Variants in SAMMSON observed in about 807,000 individuals in gnomAD.
The protein encoded by SAMMSON is survival associated mitochondrial melanoma specific oncogenic non-coding RNA.
At chr3:70,385,399 T>A (rs1703112303) in intron 9 of SAMMSON, among the ~76,000 whole-genome samples, 1 of 152,052 alleles carries the variant, frequency 6.6e-6, no homozygotes, top group Non-Finnish European at 1.5e-5. Context: ...GAACATTTCA[T>A]TGTTGTAGGT....
At chr3:70,088,714 G>A (rs1169928271) in intron 4 of SAMMSON, among the ~76,000 whole-genome samples, 1 of 151,872 alleles carries the variant, frequency 6.6e-6, no homozygotes, top group African/African-American at 2.4e-5. Context: ...AGTTTTGTTG[G>A]GAATTATCAA....
At chr3:70,157,357 C>A (rs1308342098) in intron 4 of SAMMSON, among the ~76,000 whole-genome samples, 1 of 152,002 alleles carries the variant, frequency 6.6e-6, no homozygotes, top group Non-Finnish European at 1.5e-5. Flanking sequence ...TACCTTAGAG[C>A]CCTCAGGCAA....
chr3:70,311,289 A>G (rs1026644999), intron 7 of SAMMSON, among the ~76,000 whole-genome samples: 1 of 152,196 alleles, frequency 6.6e-6, no homozygotes, highest in African/African-American at 2.4e-5. Context: ...AAATTATAAA[A>G]CCGTGCCTTC....
chr3:70,233,794 G>T (rs1193686292), intron 4 of SAMMSON, among the ~76,000 whole-genome samples: 5 of 152,144 alleles, frequency 3.3e-5, no homozygotes, highest in African/African-American at 1.2e-4. Flanking sequence ...TATTTTGAAA[G>T]TTATTCAGAT....
At chr3:70,386,864 C>G (rs985325995) in intron 9 of SAMMSON, among the ~76,000 whole-genome samples, 1 of 152,012 alleles carries the variant, frequency 6.6e-6, no homozygotes, top group African/African-American at 2.4e-5. Context: ...AAAATCCAGG[C>G]ATGAGGCAGT....
chr3:70,012,214 A>G (rs1049746259), intron 1 of SAMMSON: 1 of 152,112 alleles, frequency 6.6e-6, no homozygotes, highest in African/African-American at 2.4e-5. Context: ...CTGCTATGGG[A>G]GTCAAAAAAT....
At chr3:70,123,333 C>T (rs1476281570) in intron 4 of SAMMSON, among the ~76,000 whole-genome samples, 1 of 152,236 alleles carries the variant, frequency 6.6e-6, no homozygotes, top group African/African-American at 2.4e-5. Context: ...GTGGTGTGAT[C>T]TTGGCTCACT....
intron 7 of SAMMSON, among the ~76,000 whole-genome samples, chr3:70,347,180 G>A (rs1292744818): frequency 6.6e-6 from 1 of 152,118 alleles, no homozygotes; most frequent in East Asian, 1.9e-4. Context: ...ACATCATCAG[G>A]GTGATTTCCT....
At chr3:70,044,633 C>A (rs2067117405) in intron 3 of SAMMSON, among the ~76,000 whole-genome samples, 1 of 151,794 alleles carries the variant, frequency 6.6e-6, no homozygotes, top group Admixed American at 6.6e-5. Flanking sequence ...ACACAATGTG[C>A]AAGACAGACT....
intron 4 of SAMMSON, among the ~76,000 whole-genome samples, chr3:70,184,542 A>T (rs1431054957): frequency 6.6e-6 from 1 of 152,232 alleles, no homozygotes; most frequent in Non-Finnish European, 1.5e-5. Context: ...AAAATTTTTG[A>T]TAGTTAACAC....
intron 4 of SAMMSON, among the ~76,000 whole-genome samples, chr3:70,243,849 G>A (rs1240532833): frequency 6.6e-6 from 1 of 152,184 alleles, no homozygotes; most frequent in East Asian, 1.9e-4. Context: ...TGTCTAGGAG[G>A]ATATGTGGAG....
chr3:70,355,021 A>T (rs1471971702), intron 8 of SAMMSON, among the ~76,000 whole-genome samples: 2 of 152,198 alleles, frequency 1.3e-5, no homozygotes, highest in African/African-American at 4.8e-5. Flanking sequence ...GATAGAGATT[A>T]AAAACAAGGG....
intron 4 of SAMMSON, among the ~76,000 whole-genome samples, chr3:70,194,605 G>T (rs1380193602): frequency 3.3e-5 from 5 of 152,142 alleles, no homozygotes; most frequent in Admixed American, 3.3e-4. Context: ...AACAAACCGT[G>T]GAAAGCAAGG....
chr3:70,261,996 T>A (rs1186955831), intron 6 of SAMMSON, among the ~76,000 whole-genome samples: 2 of 152,134 alleles, frequency 1.3e-5, no homozygotes, highest in Admixed American at 6.5e-5. Context: ...TCCTTACCCA[T>A]AAGAGTTTGA....
intron 7 of SAMMSON, among the ~76,000 whole-genome samples, chr3:70,349,775 C>T (rs75517866): frequency 0.022 from 3,365 of 152,234 alleles, 120 homozygotes; most frequent in African/African-American, 0.077. Context: ...GTATATTATG[C>T]ATAAACAGAT....
At chr3:70,218,829 G>C (rs1053585841) in intron 4 of SAMMSON, among the ~76,000 whole-genome samples, 1 of 152,158 alleles carries the variant, frequency 6.6e-6, no homozygotes. Context: ...AAGACCTACA[G>C]TTTGCTCTTT....
At chr3:70,297,243 T>C (rs1702300062) in intron 7 of SAMMSON, among the ~76,000 whole-genome samples, 1 of 152,082 alleles carries the variant, frequency 6.6e-6, no homozygotes, top group African/African-American at 2.4e-5. Context: ...TATTGTAAAA[T>C]GAGTCCTTAC....
intron 4 of SAMMSON, among the ~76,000 whole-genome samples, chr3:70,180,001 CG>C (rs1701039584): frequency 1.4e-5 from 1 of 73,094 alleles, no homozygotes; most frequent in Non-Finnish European, 2.6e-5. Flanking sequence ...ACCTGTGCTT[CG>C]TATGTGTGTG....
intron 4 of SAMMSON, among the ~76,000 whole-genome samples, chr3:70,212,484 A>G (rs1359939364): frequency 2.0e-5 from 3 of 151,922 alleles, no homozygotes; most frequent in Non-Finnish European, 4.4e-5. Context: ...CCTCCATCCA[A>G]TCATTTACAA....
Sources: allele counts gnomAD v4.1 joint callset (sites outside exome capture counted in the v4.1 genomes callset), GRCh38; gene constraint gnomAD v4.1.1; transcripts MANE v1.5; gene names NCBI Gene and HGNC (gene_info 2026-07-23, HGNC 2026-07-21).